Variants in RAPGEF4 observed in about 807,000 individuals in gnomAD.
RAPGEF4 encodes Rap guanine nucleotide exchange factor 4.
A neutral mutation model predicts 147.9 loss-of-function variants in RAPGEF4; 66 were observed. The observed-to-expected ratio is 0.45, with a 90% confidence interval of 0.37 to 0.55. RAPGEF4 has a LOEUF of 0.55. Among genes scored for constraint, RAPGEF4 ranks in the 20% least tolerant of loss-of-function variants. RAPGEF4 has a pLI of 0.00. For missense variants in RAPGEF4, 1,071 were observed against 1,257.3 expected, an observed-to-expected ratio of 0.85 and a Z score of 2.24; for synonymous variants, 419 against 442.7, an observed-to-expected ratio of 0.95 and a Z score of 0.67.
chr2:172,757,958 A>C (rs184076699), intron 1 of RAPGEF4, among the ~76,000 whole-genome samples: 69 of 152,342 alleles, frequency 4.5e-4, no homozygotes, highest in African/African-American at 1.6e-3. Flanking sequence ...ATAGATAATA[A>C]ACCATAAACA....
chr2:172,895,779 C>A (rs1698411742), intron 4 of RAPGEF4, among the ~76,000 whole-genome samples: 1 of 152,116 alleles, frequency 6.6e-6, no homozygotes. Flanking sequence ...AGAACACTTT[C>A]TCAAAACAAA....
intron 29 of RAPGEF4, among the ~76,000 whole-genome samples, chr2:173,046,469 G>A (rs1243238736): frequency 1.3e-5 from 2 of 152,122 alleles, no homozygotes; most frequent in African/African-American, 4.8e-5. Flanking sequence ...TTCTTCAGAG[G>A]GGCATACTGG....
chr2:173,005,055 A>C (rs992699051), intron 17 of RAPGEF4, among the ~76,000 whole-genome samples: 5 of 152,090 alleles, frequency 3.3e-5, no homozygotes, highest in African/African-American at 1.2e-4. Flanking sequence ...ATATTAATAG[A>C]TATGTCATAA....
At chr2:172,745,298 G>A (rs755521050) in intron 1 of RAPGEF4, among the ~76,000 whole-genome samples, 6 of 152,012 alleles carry the variant, frequency 3.9e-5, no homozygotes, top group Non-Finnish European at 7.4e-5. Flanking sequence ...TTTCATGTCA[G>A]TTTTTATAGT....
In RAPGEF4 at chr2:172,997,244, T is replaced by C. The variant is rs540060150; in HGVS notation, c.1579+690T>C. On this transcript the variant is annotated intron_variant, in intron 16 of 30. Transcript: ENST00000397081. ...ATCATCCGGATCTCTGCCCTCATGTTCACACAGCATTCTCCCTGTGACTCT... is the reference window on the plus strand; with the variant it reads ...ATCATCCGGATCTCTGCCCTCATGTCCACACAGCATTCTCCCTGTGACTCT... Among the ~76,000 whole-genome samples the C allele has an allele frequency of 3.3e-5, 5 of 152,288 alleles. No individual in the cohort carries two copies. In the East Asian group the frequency reaches 5.8e-4, roughly 18 times the overall value.
At chr2:172,790,921 A>G (rs1359046915) in intron 1 of RAPGEF4, among the ~76,000 whole-genome samples, 1 of 152,194 alleles carries the variant, frequency 6.6e-6, no homozygotes, top group East Asian at 1.9e-4. Context: ...GGGTAATTCA[A>G]AAAGAACAGA....
chr2:172,764,342 A>G (rs1196605002), intron 1 of RAPGEF4, among the ~76,000 whole-genome samples: 2 of 152,092 alleles, frequency 1.3e-5, no homozygotes, highest in Non-Finnish European at 2.9e-5. Context: ...TCCTTACATG[A>G]TTCTTACACA....
intron 4 of RAPGEF4, among the ~76,000 whole-genome samples, chr2:172,853,730 A>G (rs1693114804): frequency 6.6e-6 from 1 of 151,762 alleles, no homozygotes. Context: ...GATATGTTAC[A>G]TTTTCATTAT....
At chr2:173,018,626 A>T in intron 21 of RAPGEF4, 30 bp from the exon 22 acceptor site, 1 of 1,592,100 alleles carries the variant, frequency 6.3e-7, no homozygotes, top group Non-Finnish European at 8.6e-7. Flanking sequence ...CTTAAGAGTG[A>T]TTTACTACCT....
rs963209465 is a variant in RAPGEF4, at chr2:172,965,641, G to A, written c.778G>A (p.Gly260Ser). 12 of 1,614,172 alleles carry A rather than the reference G, an allele frequency of 7.4e-6. No individual in the cohort carries two copies. The highest frequency in any genetic ancestry group is 1.0e-5 in the Non-Finnish European group (12 of 1,180,030). ...PCVHSRTQAV[G>S]MWQVLLEDGV... ...TGTTCACTCCCGGACTCAAGCTGTT[G>A]GCATGTGGCAAGTCCTGTTAGAAGA... is the stretch of plus-strand genomic sequence containing the variant. The change falls in exon 9 of 31, where the codon GGC (glycine) becomes AGC (serine). Residue 260 changes from glycine to serine, a missense_variant. Transcript: ENST00000397081.
intron 30 of RAPGEF4, among the ~76,000 whole-genome samples, chr2:173,050,062 G>A (rs1686000297): frequency 1.3e-5 from 2 of 152,144 alleles, no homozygotes; most frequent in Non-Finnish European, 2.9e-5. Flanking sequence ...AGCTTCTTTG[G>A]AAGTAAATCT....
rs369814467 is a variant in RAPGEF4, at chr2:172,995,436, C to G, written c.1491-1030C>G. On this transcript the variant is annotated intron_variant, in intron 15 of 30. Transcript: ENST00000397081. ...CTGGGACTACAGGCATGTGCCACCACGCCCAGCTAATTTTTTGTATTTTAG... is the reference window on the plus strand; with the variant it reads ...CTGGGACTACAGGCATGTGCCACCAGGCCCAGCTAATTTTTTGTATTTTAG... 3.3e-5 allele frequency among the ~76,000 whole-genome samples: 5 copies of G among 152,110 alleles called. No homozygotes were observed. The East Asian group carries it at 7.7e-4, about 23-fold the overall frequency.
chr2:172,990,662 G>GT, intron 14 of RAPGEF4, 148 bp from the exon 15 acceptor site: 1 of 625,436 alleles, frequency 1.6e-6, no homozygotes, highest in Admixed American at 2.7e-5. Context: ...CTCTCTGACC[G>GT]TTCCAGCCCT....
chr2:173,026,951 A>T, intron 24 of RAPGEF4, 130 bp from the exon 25 acceptor site: 1 of 892,074 alleles, frequency 1.1e-6, no homozygotes, highest in Non-Finnish European at 1.6e-6. Flanking sequence ...AACAAACCTC[A>T]TGGAAGCCCT....
intron 4 of RAPGEF4, among the ~76,000 whole-genome samples, chr2:172,856,845 G>A (rs1693468816): frequency 6.6e-6 from 1 of 152,070 alleles, no homozygotes; most frequent in South Asian, 2.1e-4. Context: ...TCTCAACCAG[G>A]AAGACTACAG....
At chr2:172,736,084 C>T in intron 1 of RAPGEF4, 36 bp downstream of exon 1, 1 of 1,439,842 alleles carries the variant, frequency 6.9e-7, no homozygotes, top group Non-Finnish European at 9.2e-7. Context: ...GGGCCGAGCT[C>T]TGCGGTGCTG....
intron 2 of RAPGEF4, 85 bp from the exon 3 acceptor site, chr2:172,797,440 T>C (rs1362893698): frequency 9.5e-7 from 1 of 1,050,434 alleles, no homozygotes; most frequent in African/African-American, 1.6e-5. Context: ...GTCCAAGACA[T>C]GCTTGGACCA....
intron 4 of RAPGEF4, among the ~76,000 whole-genome samples, chr2:172,857,979 A>G (rs1263144768): frequency 1.3e-5 from 2 of 151,296 alleles, no homozygotes; most frequent in East Asian, 2.0e-4. Context: ...TTTAGTGACT[A>G]AAATAAAGAG....
chr2:173,029,964 T>A (rs1321150867), intron 25 of RAPGEF4, among the ~76,000 whole-genome samples, 200 bp from the exon 26 acceptor site: 1 of 152,224 alleles, frequency 6.6e-6, no homozygotes, highest in African/African-American at 2.4e-5. Flanking sequence ...CGTCTTCAAC[T>A]TTCTAAAAAC....
Sources: allele counts gnomAD v4.1 joint callset (sites outside exome capture counted in the v4.1 genomes callset), GRCh38; gene constraint gnomAD v4.1.1; transcripts MANE v1.5; gene names NCBI Gene and HGNC (gene_info 2026-07-23, HGNC 2026-07-21).